C1orf21: variants seen among roughly 807,000 people sequenced by gnomAD.
The protein encoded by C1orf21 is uncharacterized protein C1orf21.
Under a neutral mutation model 18.7 loss-of-function variants are expected in C1orf21, and 3 were observed. The ratio of observed to expected loss-of-function variants is 0.16; its 90% confidence interval spans 0.07 to 0.42. The LOEUF is 0.42. Ranked by LOEUF, C1orf21 falls within the 10% of genes least tolerant of loss-of-function variation. The pLI, the probability that C1orf21 is intolerant of heterozygous loss-of-function variation, is 0.99. For missense variants in C1orf21, 104 were observed against 143.6 expected, an observed-to-expected ratio of 0.72 and a Z score of 1.41; for synonymous variants, 41 against 46.4, an observed-to-expected ratio of 0.88 and a Z score of 0.47.
intron 2 of C1orf21, among the ~76,000 whole-genome samples, chr1:184,493,959 CT>C (rs1657853291): frequency 6.6e-6 from 1 of 152,150 alleles, no homozygotes; most frequent in South Asian, 2.1e-4. Context: ...ATACTATAAA[CT>C]GGATTTTACT....
intron 3 of C1orf21, among the ~76,000 whole-genome samples, chr1:184,555,979 T>A (rs1283065929): frequency 1.3e-5 from 2 of 152,132 alleles, no homozygotes; most frequent in Non-Finnish European, 1.5e-5. Flanking sequence ...GCTTTACCAT[T>A]TCCCTTCTTC....
chr1:184,579,493 TCTTTTTTTTTTTTTTTTTC>T (rs1287252625), intron 3 of C1orf21, among the ~76,000 whole-genome samples: 4 of 106,790 alleles, frequency 3.7e-5, no homozygotes, highest in Admixed American at 2.9e-4. Context: ...ATCAAGATTT[TCTTTTTTTTTTTTTTTTTC>T]CTTTTTTTTT....
chr1:184,434,600 G>C (rs1423549538), intron 1 of C1orf21, among the ~76,000 whole-genome samples: 1 of 152,230 alleles, frequency 6.6e-6, no homozygotes, highest in Non-Finnish European at 1.5e-5. Flanking sequence ...TGCTGGGGTA[G>C]AGTGTGTGTG....
chr1:184,523,827 T>G (rs1658340329), intron 3 of C1orf21, among the ~76,000 whole-genome samples: 1 of 152,184 alleles, frequency 6.6e-6, no homozygotes, highest in African/African-American at 2.4e-5. Context: ...ACTAATACTT[T>G]AATGAACAGT....
intron 2 of C1orf21, among the ~76,000 whole-genome samples, chr1:184,496,135 A>G (rs906748340): frequency 1.3e-5 from 2 of 152,082 alleles, no homozygotes; most frequent in Non-Finnish European, 2.9e-5. Flanking sequence ...GGTTATTTGC[A>G]TGGGGTTTGG....
intron 5 of C1orf21, among the ~76,000 whole-genome samples, chr1:184,598,959 T>G (rs1659552798): frequency 6.6e-6 from 1 of 152,154 alleles, no homozygotes; most frequent in African/African-American, 2.4e-5. Flanking sequence ...AATGCTTGAG[T>G]AATTTACCCA....
At position 184,411,102 on chromosome 1, in the gene C1orf21, T is replaced by C. The variant is rs116808654; in HGVS notation, c.-125+23734T>C. ...ATTTTTTTGTTTAAACAGGAACATA[T>C]GTGGTTTACGGGAAAGTTTGTGATC... On this transcript the variant is annotated intron_variant, in intron 1 of 5. Coordinates refer to ENST00000235307, the MANE Select transcript of C1orf21 (RefSeq NM_030806.4). Among the ~76,000 whole-genome samples, 1,141 of 152,224 alleles carry C rather than the reference T, an allele frequency of 7.5e-3. 15 individuals carry two copies. Among genetic ancestry groups the C allele is most frequent in the African/African-American group, 0.026 (1,072 of 41,528 alleles).
chr1:184,594,508 T>C (rs1239402891), intron 4 of C1orf21, among the ~76,000 whole-genome samples: 3 of 152,194 alleles, frequency 2.0e-5, no homozygotes, highest in East Asian at 1.9e-4. Flanking sequence ...GAAACAGTTA[T>C]GGAAAAGCAG....
chr1:184,572,155 T>C (rs1475537034), intron 3 of C1orf21, among the ~76,000 whole-genome samples: 1 of 152,234 alleles, frequency 6.6e-6, no homozygotes, highest in East Asian at 1.9e-4. Flanking sequence ...ATTGTGTTTA[T>C]GATTACAAGA....
intron 1 of C1orf21, among the ~76,000 whole-genome samples, chr1:184,452,084 T>C (rs755689277): frequency 6.6e-6 from 1 of 152,214 alleles, no homozygotes. Flanking sequence ...ATTTCCTTCT[T>C]AGTAGTGTGG....
At chr1:184,529,881 C>A (rs1276880077) in intron 3 of C1orf21, among the ~76,000 whole-genome samples, 1 of 152,160 alleles carries the variant, frequency 6.6e-6, no homozygotes, top group Non-Finnish European at 1.5e-5. Flanking sequence ...AGAGAAGAAG[C>A]CTGGGCTTTA....
intron 3 of C1orf21, among the ~76,000 whole-genome samples, chr1:184,581,542 C>T (rs954210350): frequency 3.3e-5 from 5 of 152,106 alleles, no homozygotes; most frequent in South Asian, 2.1e-4. Flanking sequence ...CTTCCAAGTT[C>T]GTTGATTTTC....
intron 2 of C1orf21, among the ~76,000 whole-genome samples, chr1:184,478,703 A>G (rs1657609232): frequency 6.6e-6 from 1 of 152,202 alleles, no homozygotes; most frequent in African/African-American, 2.4e-5. Context: ...TTAGATGATT[A>G]TTTTGAAGTA....
At chr1:184,611,550 C>G (rs1186422781) in intron 5 of C1orf21, among the ~76,000 whole-genome samples, 1 of 152,194 alleles carries the variant, frequency 6.6e-6, no homozygotes, top group African/African-American at 2.4e-5. Flanking sequence ...TCCTGCAGTC[C>G]TGGTTCAAGG....
intron 3 of C1orf21, among the ~76,000 whole-genome samples, chr1:184,559,844 C>T (rs1219191104): frequency 6.6e-6 from 1 of 152,062 alleles, no homozygotes; most frequent in Non-Finnish European, 1.5e-5. Flanking sequence ...TCTCTAACTC[C>T]TGAGCTCAAG....
chr1:184,529,985 T>C (rs1287885280), intron 3 of C1orf21, among the ~76,000 whole-genome samples: 1 of 152,190 alleles, frequency 6.6e-6, no homozygotes, highest in Admixed American at 6.5e-5. Context: ...CTCTTTACCA[T>C]ATCTTACTTT....
chr1:184,389,205 A>G (rs1178542776), intron 1 of C1orf21, among the ~76,000 whole-genome samples: 1 of 151,862 alleles, frequency 6.6e-6, no homozygotes, highest in Non-Finnish European at 1.5e-5. Context: ...AAAAAGGGCA[A>G]CAAAGACCAG....
chr1:184,617,385 A>C, intron 5 of C1orf21, among the ~76,000 whole-genome samples: 1 of 152,190 alleles, frequency 6.6e-6, no homozygotes, highest in East Asian at 1.9e-4. Context: ...GAGCCTCGTG[A>C]GTTGGGGATC....
At chr1:184,470,397 A>G (rs1657477708) in intron 1 of C1orf21, among the ~76,000 whole-genome samples, 2 of 152,306 alleles carry the variant, frequency 1.3e-5, no homozygotes, top group South Asian at 4.1e-4. Flanking sequence ...AGGTGCTGCT[A>G]TTATTAATTT....
Sources: allele counts gnomAD v4.1 joint callset (sites outside exome capture counted in the v4.1 genomes callset), GRCh38; gene constraint gnomAD v4.1.1; transcripts MANE v1.5; gene names NCBI Gene and HGNC (gene_info 2026-07-23, HGNC 2026-07-21).